KHDC1: variants seen among roughly 807,000 people sequenced by gnomAD.
KHDC1 encodes KH domain containing 1.
In KHDC1, 21 loss-of-function variants were observed where a neutral mutation model predicts 24.7. That is an observed-to-expected ratio of 0.85 (90% CI 0.60 to 1.23). KHDC1 has a LOEUF of 1.23. KHDC1 is among the 50% of genes most tolerant of loss of function. The pLI, the probability that KHDC1 is intolerant of heterozygous loss-of-function variation, is 0.00. For synonymous variants in KHDC1, 98 were observed against 111.7 expected (o/e 0.88, Z 0.77); for missense variants, 274 against 298.5 (o/e 0.92, Z 0.61).
intron 1 of KHDC1, among the ~76,000 whole-genome samples, chr6:73,308,572 C>T (rs1768018184): frequency 6.6e-6 from 1 of 151,242 alleles, no homozygotes; most frequent in Non-Finnish European, 1.5e-5. Context: ...TGCAGTGTCA[C>T]GATTTTGGCT....
chr6:73,273,414 C>T (rs1442814339), intron 2 of KHDC1, among the ~76,000 whole-genome samples: 5 of 152,128 alleles, frequency 3.3e-5, no homozygotes, highest in Non-Finnish European at 7.3e-5. Context: ...GTGATCCCCC[C>T]GCCTCGGCCT....
chr6:73,246,911 T>C (rs1484002760), intron 2 of KHDC1, among the ~76,000 whole-genome samples: 1 of 151,640 alleles, frequency 6.6e-6, no homozygotes, highest in Non-Finnish European at 1.5e-5. Flanking sequence ...ATAAACGGCA[T>C]CCTAATAGTT....
chr6:73,305,199 C>A (rs1211483829), intron 1 of KHDC1, among the ~76,000 whole-genome samples: 4 of 152,014 alleles, frequency 2.6e-5, no homozygotes, highest in Non-Finnish European at 5.9e-5. Flanking sequence ...GATTGCGCTA[C>A]TGCACTCCAG....
intron 1 of KHDC1, among the ~76,000 whole-genome samples, chr6:73,296,056 C>A (rs1355157190): frequency 2.0e-5 from 3 of 151,974 alleles, no homozygotes; most frequent in Admixed American, 2.0e-4. Context: ...GCAGGAGAAT[C>A]GCTTGAGCCT....
chr6:73,280,012 G>A (rs541292466), intron 2 of KHDC1, among the ~76,000 whole-genome samples: 17 of 151,970 alleles, frequency 1.1e-4, no homozygotes, highest in African/African-American at 4.1e-4. Flanking sequence ...CGTTCCTTTG[G>A]CCTATTCACA....
At chr6:73,297,638 A>G (rs1036428237) in intron 1 of KHDC1, among the ~76,000 whole-genome samples, 5 of 152,168 alleles carry the variant, frequency 3.3e-5, no homozygotes, top group Non-Finnish European at 5.9e-5. Context: ...TGTTGCTAAC[A>G]TTATAACACA....
intron 2 of KHDC1, among the ~76,000 whole-genome samples, chr6:73,254,980 G>A (rs1336391616): frequency 6.6e-6 from 1 of 150,672 alleles, no homozygotes; most frequent in East Asian, 2.0e-4. Flanking sequence ...CCAGCTTGAG[G>A]AACAAGAGCA....
rs920037521 is a variant in KHDC1 at position 73,259,909 on chromosome 6, A to G, written c.207-17379T>C. Among the ~76,000 whole-genome samples the G allele has an allele frequency of 5.3e-5, 8 of 152,182 alleles. 1 individual carries two copies. Among genetic ancestry groups the G allele is most frequent in the Admixed American group, 5.2e-4 (8 of 15,282 alleles). On this transcript the variant is annotated intron_variant, in intron 2 of 4. Transcript: ENST00000370384. ...CCCTGCAAGTCTTTCTTTTTAACCA[A>G]TTATCTGGCTGTTTCTCTTGCTGTA...
chr6:73,274,098 C>T (rs1038466917), intron 2 of KHDC1: 27 of 152,108 alleles, frequency 1.8e-4, no homozygotes, highest in Admixed American at 1.6e-3. Flanking sequence ...GAGTGAGACC[C>T]TTTCTCTAAA....
chr6:73,259,134 C>G (rs570143030), intron 2 of KHDC1, among the ~76,000 whole-genome samples: 125 of 152,282 alleles, frequency 8.2e-4, no homozygotes, highest in African/African-American at 2.9e-3. Flanking sequence ...CTTAAGGGAA[C>G]CTGGTGGCTT....
chr6:73,292,628 A>T, intron 1 of KHDC1: 3 of 758,416 alleles, frequency 4.0e-6, no homozygotes, highest in Non-Finnish European at 7.4e-6. Context: ...GTTTTCTTCA[A>T]TCACCCCAAA....
chr6:73,265,264 C>T (rs1043642842), intron 2 of KHDC1, among the ~76,000 whole-genome samples: 1 of 152,156 alleles, frequency 6.6e-6, no homozygotes, highest in African/African-American at 2.4e-5. Context: ...AGTAGTAACT[C>T]TGTCTGTACT....
chr6:73,292,986 A>G (rs1767684521), intron 1 of KHDC1: 2 of 944,566 alleles, frequency 2.1e-6, no homozygotes, highest in Admixed American at 1.8e-5. Context: ...CACATCCACC[A>G]GTGTATCAGC....
At chr6:73,246,585 A>C (rs978650622) in intron 2 of KHDC1, among the ~76,000 whole-genome samples, 3 of 152,208 alleles carry the variant, frequency 2.0e-5, no homozygotes, top group African/African-American at 7.2e-5. Flanking sequence ...AAAGTCACCA[A>C]TTGATAAATG....
chr6:73,278,640 T>G (rs78901143), intron 2 of KHDC1, among the ~76,000 whole-genome samples: 2,076 of 152,368 alleles, frequency 0.014, 43 homozygotes, highest in African/African-American at 0.046. Context: ...ACTTTTTCAT[T>G]ATGAATTTTT....
At chr6:73,272,782 G>T (rs1767204061) in intron 2 of KHDC1, among the ~76,000 whole-genome samples, 1 of 149,968 alleles carries the variant, frequency 6.7e-6, no homozygotes, top group South Asian at 2.1e-4. Flanking sequence ...TCCCGGGGGG[G>T]AAAAGAAAAA....
chr6:73,263,133 C>G (rs546753967), intron 2 of KHDC1: 1 of 993,142 alleles, frequency 1.0e-6, no homozygotes, highest in East Asian at 1.1e-4. Flanking sequence ...CTGGGCCGCG[C>G]ACCCGACCCT....
intron 2 of KHDC1, chr6:73,274,974 C>T (rs1767254241): frequency 6.5e-6 from 1 of 152,764 alleles, no homozygotes; most frequent in Admixed American, 6.5e-5. Context: ...GTGGAGCTTA[C>T]AGAAGGAACT....
At chr6:73,278,416 G>A (rs1017728757) in intron 2 of KHDC1, among the ~76,000 whole-genome samples, 1 of 151,436 alleles carries the variant, frequency 6.6e-6, no homozygotes, top group African/African-American at 2.4e-5. Context: ...TAGAGACAGG[G>A]TCTCGCTACA....
Sources: allele counts gnomAD v4.1 joint callset (sites outside exome capture counted in the v4.1 genomes callset), GRCh38; gene constraint gnomAD v4.1.1; transcripts MANE v1.5; gene names NCBI Gene and HGNC (gene_info 2026-07-23, HGNC 2026-07-21).